TENM3: variants seen among roughly 807,000 people sequenced by gnomAD.
TENM3 encodes teneurin transmembrane protein 3, also known as teneurin-3.
In TENM3, 63 loss-of-function variants were observed where a neutral mutation model predicts 255.1. That is an observed-to-expected ratio of 0.25 (90% confidence interval 0.20 to 0.30). TENM3 has a LOEUF of 0.30. TENM3 is among the 10% of genes least tolerant of loss of function. TENM3 has a pLI of 1.00. For synonymous variants in TENM3, 1,306 were observed against 1,322.3 expected (o/e 0.99, Z 0.27); for missense variants, 2,929 against 3,461.1 (o/e 0.85, Z 3.86).
the TENM3 span, among the ~76,000 whole-genome samples, chr4:181,634,243 G>C: frequency 5.3e-5 from 8 of 152,006 alleles, no homozygotes; most frequent in Admixed American, 2.0e-4. Context: ...TTTGCCATTT[G>C]CTCCTTGAAA....
chr4:182,562,162 T>G (rs1283255324), intron 3 of TENM3, among the ~76,000 whole-genome samples: 2 of 152,206 alleles, frequency 1.3e-5, no homozygotes, highest in Non-Finnish European at 2.9e-5. Context: ...CTAGGCAACC[T>G]TAGGCTGTAT....
the TENM3 span, among the ~76,000 whole-genome samples, chr4:181,583,844 G>A: frequency 6.6e-6 from 1 of 152,132 alleles, no homozygotes; most frequent in South Asian, 2.1e-4. Flanking sequence ...ACTTAATACA[G>A]ATTTTAGAAT....
the TENM3 span, among the ~76,000 whole-genome samples, chr4:181,924,869 A>G: frequency 1.3e-5 from 2 of 152,216 alleles, no homozygotes; most frequent in African/African-American, 4.8e-5. Flanking sequence ...CATGTCAAGG[A>G]GTTACCTCAA....
At chr4:181,482,912 G>A in the TENM3 span, among the ~76,000 whole-genome samples, 6 of 152,054 alleles carry the variant, frequency 3.9e-5, no homozygotes, top group African/African-American at 1.2e-4. Flanking sequence ...TACGGTGTTC[G>A]GCCGATACCT....
chr4:182,512,025 G>A (rs1207893444), intron 3 of TENM3, among the ~76,000 whole-genome samples: 2 of 152,178 alleles, frequency 1.3e-5, no homozygotes, highest in East Asian at 3.9e-4. Flanking sequence ...TACCCAGGTA[G>A]ATCAGACATT....
intron 1 of TENM3, among the ~76,000 whole-genome samples, chr4:182,149,239 C>T (rs1171786768): frequency 6.6e-6 from 1 of 151,820 alleles, no homozygotes; most frequent in African/African-American, 2.4e-5. Flanking sequence ...GTTAAATTAC[C>T]ATTTTCAAAA....
chr4:182,563,335 A>T (rs1368434411), intron 3 of TENM3, among the ~76,000 whole-genome samples: 3 of 152,142 alleles, frequency 2.0e-5, no homozygotes, highest in African/African-American at 7.2e-5. Flanking sequence ...GATGCTGAGG[A>T]GGCAGGAGAA....
chr4:181,655,850 T>C, the TENM3 span, among the ~76,000 whole-genome samples: 5 of 152,190 alleles, frequency 3.3e-5, no homozygotes, highest in African/African-American at 9.6e-5. Context: ...AGGAATAAGA[T>C]AGCAACTATT....
At chr4:181,605,281 T>C in the TENM3 span, among the ~76,000 whole-genome samples, 1 of 150,878 alleles carries the variant, frequency 6.6e-6, no homozygotes, top group African/African-American at 2.4e-5. Context: ...CCATCTCTAC[T>C]AAAAAGAAAA....
the TENM3 span, among the ~76,000 whole-genome samples, chr4:182,111,583 C>T: frequency 6.6e-6 from 1 of 152,220 alleles, no homozygotes; most frequent in African/African-American, 2.4e-5. Context: ...TGTGGACCCA[C>T]AGATGGACAT....
the TENM3 span, among the ~76,000 whole-genome samples, chr4:182,066,599 A>ATATAT: frequency 2.0e-4 from 27 of 137,102 alleles, no homozygotes; most frequent in African/African-American, 7.2e-4. Flanking sequence ...GTAAAAAAAA[A>ATATAT]ATATATATAT....
chr4:182,600,897 C>CT lies in TENM3; in HGVS notation c.512-4dup, dbSNP rs548783934. ...TATATATATATAATGAGTTCTCTTT[C>CT]TTTTTTTTTTTTTTTTTTTTTTTCA... On this transcript the variant is annotated intron_variant, in intron 3 of 27. Transcript: ENST00000511685. 13,887 of 494,988 alleles carry CT rather than the reference C, an allele frequency of 0.028. 294 individuals are homozygous for CT. The highest frequency in any genetic ancestry group is 0.099 in the African/African-American group (3,002 of 30,426). The allele number at this position is 494,988 out of a possible 1,614,324, so 30.7% of individuals were successfully genotyped here.
intron 3 of TENM3, among the ~76,000 whole-genome samples, chr4:182,377,947 G>A (rs1432429876): frequency 1.3e-5 from 2 of 152,126 alleles, no homozygotes; most frequent in Non-Finnish European, 2.9e-5. Flanking sequence ...ATGAAAAACT[G>A]CGATTTCGGA....
At chr4:182,454,419 G>T (rs1056094613) in intron 3 of TENM3, among the ~76,000 whole-genome samples, 1 of 152,078 alleles carries the variant, frequency 6.6e-6, no homozygotes, top group African/African-American at 2.4e-5. Flanking sequence ...AGGTGATCAG[G>T]TTAGCTAACC....
At chr4:182,223,325 G>C (rs74531571) in intron 1 of TENM3, among the ~76,000 whole-genome samples, 7,264 of 152,068 alleles carry the variant, frequency 0.048, 544 homozygotes, top group African/African-American at 0.16. Flanking sequence ...CATAAAATCA[G>C]TACTGGATTT....
At chr4:181,613,372 AGCT>A in the TENM3 span, among the ~76,000 whole-genome samples, 1 of 152,222 alleles carries the variant, frequency 6.6e-6, no homozygotes, top group Non-Finnish European at 1.5e-5. Context: ...AGGAGCCACC[AGCT>A]GCGGGAATGT....
chr4:181,671,327 C>T, the TENM3 span, among the ~76,000 whole-genome samples: 105,453 of 152,050 alleles, frequency 0.69, 37,276 homozygotes, highest in African/African-American at 0.82. Flanking sequence ...TTTACTCCTA[C>T]AGGAGTAAAT....
At chr4:182,124,798 A>G in the TENM3 span, among the ~76,000 whole-genome samples, 1 of 152,228 alleles carries the variant, frequency 6.6e-6, no homozygotes, top group Non-Finnish European at 1.5e-5. Flanking sequence ...TACAGTCTGA[A>G]TATATTACAT....
chr4:181,606,175 A>G, the TENM3 span, among the ~76,000 whole-genome samples: 8 of 152,294 alleles, frequency 5.3e-5, no homozygotes, highest in South Asian at 1.7e-3. Flanking sequence ...AAAATCTGCC[A>G]CCAGAGTCCC....
Sources: allele counts gnomAD v4.1 joint callset (sites outside exome capture counted in the v4.1 genomes callset), GRCh38; gene constraint gnomAD v4.1.1; transcripts MANE v1.5; gene names NCBI Gene and HGNC (gene_info 2026-07-23, HGNC 2026-07-21).